Variants in GPC5 observed in about 807,000 individuals in gnomAD.
The protein encoded by GPC5 is glypican 5, also known as glypican-5.
In GPC5, 47 loss-of-function variants were observed where a neutral mutation model predicts 53.9. The observed-to-expected ratio is 0.87, with a 90% CI of 0.69 to 1.11. The LOEUF (loss-of-function observed/expected upper bound fraction) is 1.11. Ranked by LOEUF, GPC5 falls within the 50% of genes most tolerant of loss-of-function variation. The pLI is 0.00. For synonymous variants in GPC5, 286 were observed against 263.3 expected, an observed-to-expected ratio of 1.09 and a Z score of -0.84; for missense variants, 748 against 713.1, an observed-to-expected ratio of 1.05 and a Z score of -0.56.
At chr13:92,860,142 C>G (rs1292276179) in intron 7 of GPC5, among the ~76,000 whole-genome samples, 1 of 152,048 alleles carries the variant, frequency 6.6e-6, no homozygotes, top group African/African-American at 2.4e-5. Flanking sequence ...TTCATTGTTT[C>G]ACTTATTAAC....
intron 7 of GPC5, among the ~76,000 whole-genome samples, chr13:92,725,932 G>A (rs1458176755): frequency 6.6e-6 from 1 of 151,584 alleles, no homozygotes; most frequent in Non-Finnish European, 1.5e-5. Context: ...GTAGCACATT[G>A]CATGCTAGGT....
intron 6 of GPC5, among the ~76,000 whole-genome samples, chr13:92,086,130 T>C (rs1399274194): frequency 6.6e-6 from 1 of 152,212 alleles, no homozygotes; most frequent in Non-Finnish European, 1.5e-5. Context: ...GAAATTCATG[T>C]ACAAGGGTCA....
intron 7 of GPC5, among the ~76,000 whole-genome samples, chr13:92,739,138 T>C (rs1889020460): frequency 1.3e-5 from 2 of 152,238 alleles, no homozygotes; most frequent in East Asian, 3.9e-4. Context: ...ACACATACAA[T>C]GTCTTTCTTA....
At chr13:92,075,732 A>G (rs9516008) in intron 6 of GPC5, among the ~76,000 whole-genome samples, 78,761 of 151,882 alleles carry the variant, frequency 0.52, 20,803 homozygotes, top group East Asian at 0.79. Flanking sequence ...GGTGAGTTTA[A>G]AAGATTGCAA....
intron 2 of GPC5, among the ~76,000 whole-genome samples, chr13:91,651,905 A>G (rs1364780562): frequency 6.6e-6 from 1 of 152,154 alleles, no homozygotes; most frequent in Non-Finnish European, 1.5e-5. Flanking sequence ...AATGAATTAA[A>G]GAGATTTGGA....
chr13:92,738,927 C>T (rs1215181178), intron 7 of GPC5, among the ~76,000 whole-genome samples: 2 of 152,080 alleles, frequency 1.3e-5, no homozygotes, highest in Non-Finnish European at 2.9e-5. Flanking sequence ...CATTTGACCA[C>T]AGTACTATCT....
intron 2 of GPC5, among the ~76,000 whole-genome samples, chr13:91,554,983 G>A (rs1247754280): frequency 6.6e-6 from 1 of 152,018 alleles, no homozygotes; most frequent in Non-Finnish European, 1.5e-5. Flanking sequence ...GGCTTCCCTT[G>A]CATTGAGGGA....
At chr13:92,577,847 CAAG>C (rs1041667303) in intron 7 of GPC5, among the ~76,000 whole-genome samples, 2 of 151,954 alleles carry the variant, frequency 1.3e-5, no homozygotes, top group Non-Finnish European at 2.9e-5. Flanking sequence ...AAAAATAAAA[CAAG>C]GAGCAGAAAA....
intron 7 of GPC5, among the ~76,000 whole-genome samples, chr13:92,335,062 C>A (rs1353829513): frequency 6.6e-6 from 1 of 152,128 alleles, no homozygotes; most frequent in Non-Finnish European, 1.5e-5. Context: ...CCAGTGAGGA[C>A]TCTGTGGGTT....
intron 2 of GPC5, among the ~76,000 whole-genome samples, chr13:91,673,265 A>C (rs2035293662): frequency 6.6e-6 from 1 of 151,556 alleles, no homozygotes; most frequent in Non-Finnish European, 1.5e-5. Flanking sequence ...CACACTAAGC[A>C]AAAAGAGACT....
chr13:91,800,694 G>A (rs2038120338), intron 5 of GPC5, among the ~76,000 whole-genome samples: 2 of 152,146 alleles, frequency 1.3e-5, no homozygotes, highest in Admixed American at 6.5e-5. Flanking sequence ...AAAGCAGATT[G>A]TGCAATTTTT....
chr13:91,793,635 A>G (rs2038003529), intron 5 of GPC5, among the ~76,000 whole-genome samples: 1 of 152,038 alleles, frequency 6.6e-6, no homozygotes, highest in South Asian at 2.1e-4. Flanking sequence ...TAAAGAAACT[A>G]CCTGAGACTG....
chr13:91,675,500 A>T (rs952382922), intron 2 of GPC5, among the ~76,000 whole-genome samples: 1 of 152,222 alleles, frequency 6.6e-6, no homozygotes, highest in Non-Finnish European at 1.5e-5. Flanking sequence ...TGAGTAAGGT[A>T]TGATCTTTGA....
chr13:92,046,850 C>T (rs1328323899), intron 6 of GPC5, among the ~76,000 whole-genome samples: 2 of 152,162 alleles, frequency 1.3e-5, no homozygotes, highest in East Asian at 3.9e-4. Flanking sequence ...CTTTATAATG[C>T]ATTCGTGTAT....
chr13:91,813,453 A>G (rs1221875892), intron 5 of GPC5, among the ~76,000 whole-genome samples: 1 of 152,214 alleles, frequency 6.6e-6, no homozygotes, highest in Non-Finnish European at 1.5e-5. Flanking sequence ...TCTTGTTTAG[A>G]ATGACAGTGA....
chr13:92,361,912 A>G (rs2043570698), intron 7 of GPC5, among the ~76,000 whole-genome samples: 1 of 151,600 alleles, frequency 6.6e-6, no homozygotes, highest in South Asian at 2.1e-4. Context: ...ACCTACAGCT[A>G]ACGAGCTTTT....
At chr13:92,350,772 A>T (rs2043470548) in intron 7 of GPC5, among the ~76,000 whole-genome samples, 2 of 152,214 alleles carry the variant, frequency 1.3e-5, no homozygotes, top group African/African-American at 4.8e-5. Context: ...TCATCACATG[A>T]CTTTTTACTC....
chr13:92,267,566 G>T (rs1405988346), intron 7 of GPC5, among the ~76,000 whole-genome samples: 6 of 151,894 alleles, frequency 4.0e-5, no homozygotes, highest in African/African-American at 1.5e-4. Context: ...GTAAAACCTG[G>T]GACTTGATCC....
At chr13:91,603,730 C>T (rs1313242900) in intron 2 of GPC5, among the ~76,000 whole-genome samples, 1 of 151,888 alleles carries the variant, frequency 6.6e-6, no homozygotes, top group Non-Finnish European at 1.5e-5. Flanking sequence ...ATCAGTTTTT[C>T]AAAAAGTATT....
Sources: allele counts gnomAD v4.1 joint callset (sites outside exome capture counted in the v4.1 genomes callset), GRCh38; gene constraint gnomAD v4.1.1; transcripts MANE v1.5; gene names NCBI Gene and HGNC (gene_info 2026-07-23, HGNC 2026-07-21).